Variants in KLHL29 observed in about 807,000 individuals in gnomAD.
KLHL29 encodes the protein kelch like family member 29.
In KLHL29, 21 loss-of-function variants were observed where a neutral mutation model predicts 80.4. That is an observed-to-expected ratio of 0.26 (90% confidence interval 0.19 to 0.38). The LOEUF (loss-of-function observed/expected upper bound fraction) is 0.38, where lower values mean the gene tolerates loss of function less well. KLHL29 is among the 10% of genes least tolerant of loss of function. KLHL29 has a pLI of 1.00. For synonymous variants in KLHL29, 511 were observed against 526.8 expected (o/e 0.97, Z 0.41); for missense variants, 867 against 1,223.9 (o/e 0.71, Z 4.35).
At chr2:23,655,297 T>A (rs1670215120) in intron 5 of KLHL29, among the ~76,000 whole-genome samples, 2 of 152,220 alleles carry the variant, frequency 1.3e-5, no homozygotes, top group South Asian at 4.1e-4. Context: ...ATGGAGCCAG[T>A]CATCCTATGA....
At position 23,706,813 on chromosome 2, in the gene KLHL29, G is replaced by A. The variant is rs1028481898; in HGVS notation, c.*149G>A. The stretch of plus-strand genomic sequence containing the variant: ...CAACATGTTGAATATTCTCTACATT[G>A]AATGTAGAAAATCATCCTCGCCTTT... On this transcript the variant is annotated 3_prime_UTR_variant, in exon 14 of 14. Coordinates refer to ENST00000486442, the MANE Select transcript of KLHL29 (RefSeq NM_052920.2). 58 of 574,360 alleles carry A rather than the reference G, an allele frequency of 1.0e-4. No individual in the cohort carries two copies. Among genetic ancestry groups the A allele is most frequent in the Non-Finnish European group, 1.4e-4 (47 of 347,432 alleles). The allele number at this position is 574,360 out of a possible 1,614,324, so 35.6% of individuals were successfully genotyped here.
At chr2:23,656,932 GAAA>G (rs58320389) in intron 5 of KLHL29, among the ~76,000 whole-genome samples, 16 of 110,076 alleles carry the variant, frequency 1.5e-4, no homozygotes, top group African/African-American at 2.4e-4. Flanking sequence ...TCCCCAACAG[GAAA>G]AAAAAAAAAA....
At chr2:23,634,934 C>T (rs376273210) in intron 3 of KLHL29, among the ~76,000 whole-genome samples, 1 of 136,060 alleles carries the variant, frequency 7.3e-6, no homozygotes, top group East Asian at 2.3e-4. Flanking sequence ...GCTCAGAGAC[C>T]CTGCCCTCAT....
At chr2:23,455,251 A>C (rs1028825432) in intron 1 of KLHL29, among the ~76,000 whole-genome samples, 1 of 152,226 alleles carries the variant, frequency 6.6e-6, no homozygotes, top group Non-Finnish European at 1.5e-5. Flanking sequence ...ACTGATTAGT[A>C]AAGCTCTGTA....
intron 3 of KLHL29, among the ~76,000 whole-genome samples, chr2:23,598,469 C>T (rs1668484761): frequency 6.6e-6 from 1 of 152,238 alleles, no homozygotes; most frequent in Non-Finnish European, 1.5e-5. Context: ...CACAAACACA[C>T]ACACACCTGC....
intron 2 of KLHL29, among the ~76,000 whole-genome samples, chr2:23,541,819 G>T (rs1666846939): frequency 6.6e-6 from 1 of 150,648 alleles, no homozygotes; most frequent in Admixed American, 6.6e-5. Context: ...GACAGCAGCA[G>T]GGCTGGTGCC....
chr2:23,500,732 A>G (rs1344752), intron 2 of KLHL29, among the ~76,000 whole-genome samples: 64,412 of 152,016 alleles, frequency 0.42, 14,233 homozygotes, highest in Non-Finnish European at 0.47. Context: ...ATAATTTACT[A>G]TTTCCAAGAA....
intron 2 of KLHL29, among the ~76,000 whole-genome samples, chr2:23,497,953 G>T (rs1665318567): frequency 6.6e-6 from 1 of 152,180 alleles, no homozygotes; most frequent in African/African-American, 2.4e-5. Context: ...AAGATTTCTG[G>T]CCAGAATCCT....
intron 3 of KLHL29, among the ~76,000 whole-genome samples, chr2:23,581,818 A>C (rs1305745200): frequency 4.6e-5 from 4 of 86,794 alleles, no homozygotes; most frequent in African/African-American, 8.8e-5. Context: ...ACAAGAATGA[A>C]ACTCTGCCTC....
At chr2:23,524,021 G>T in intron 2 of KLHL29, 1 of 471,628 alleles carries the variant, frequency 2.1e-6, no homozygotes. Context: ...TCTGTCATGT[G>T]AATGAGTTTT....
chr2:23,491,948 G>A (rs796299197), intron 2 of KLHL29, among the ~76,000 whole-genome samples: 14 of 152,138 alleles, frequency 9.2e-5, no homozygotes, highest in African/African-American at 1.4e-4. Flanking sequence ...CCTCCCACTC[G>A]TCCTTCCCCT....
intron 3 of KLHL29, among the ~76,000 whole-genome samples, chr2:23,638,085 T>TAAAAAAAAAAAAAAAAAAAAAAAAAAA (rs553356362): frequency 9.0e-6 from 1 of 111,588 alleles, no homozygotes; most frequent in Non-Finnish European, 1.8e-5. Flanking sequence ...ATGGCCATAG[T>TAAAAAAAAAAAAAAAAAAAAAAAAAAA]AAAAAAAAAA....
intron 1 of KLHL29, among the ~76,000 whole-genome samples, chr2:23,401,349 C>T (rs1666595033): frequency 6.6e-6 from 1 of 152,170 alleles, no homozygotes; most frequent in Non-Finnish European, 1.5e-5. Flanking sequence ...CCCCCGGTCC[C>T]CACCCTAAGT....
rs887427416 is a variant in KLHL29, at chr2:23,554,978, C to T, written c.-45-7174C>T. 1.8e-4 allele frequency among the ~76,000 whole-genome samples: 27 copies of T among 152,146 alleles called. 1 individual carries two copies. The highest frequency in any genetic ancestry group is 1.9e-4 in the Non-Finnish European group (13 of 68,024). ...TTTCCTTCCTGCAATATCCTCAGGC[C>T]CCAGGTAGCCCAAGCCTTTTGCAAG... On this transcript the variant is annotated intron_variant, in intron 2 of 13. Transcript: ENST00000486442.
At chr2:23,554,460 C>G (rs1224383985) in intron 2 of KLHL29, among the ~76,000 whole-genome samples, 1 of 152,212 alleles carries the variant, frequency 6.6e-6, no homozygotes, top group Non-Finnish European at 1.5e-5. Context: ...GTGGATTAAT[C>G]ATGCCTTCGG....
chr2:23,481,877 A>G (rs1440205871), intron 2 of KLHL29, among the ~76,000 whole-genome samples: 1 of 151,234 alleles, frequency 6.6e-6, no homozygotes, highest in Admixed American at 6.6e-5. Flanking sequence ...AGATCACACC[A>G]CTGCACTGCA....
At chr2:23,598,751 T>A (rs1479555101) in intron 3 of KLHL29, among the ~76,000 whole-genome samples, 1 of 152,220 alleles carries the variant, frequency 6.6e-6, no homozygotes, top group Non-Finnish European at 1.5e-5. Flanking sequence ...CTGGGAGTGT[T>A]CATCATGCGT....
chr2:23,653,874 G>A (rs1375214832), intron 5 of KLHL29, among the ~76,000 whole-genome samples: 2 of 152,098 alleles, frequency 1.3e-5, no homozygotes, highest in Admixed American at 1.3e-4. Flanking sequence ...TGGTTAAATT[G>A]CCCAGCTTCG....
At chr2:23,401,391 T>C (rs2577748) in intron 1 of KLHL29, among the ~76,000 whole-genome samples, 119,112 of 152,182 alleles carry the variant, frequency 0.78, 46,725 homozygotes, top group South Asian at 0.87. Flanking sequence ...ACAATTGACC[T>C]TCACCTGGGA....
Sources: gnomAD v4.1 joint callset for allele counts (sites outside exome capture counted in the v4.1 genomes callset) on GRCh38, gnomAD v4.1.1 for gene constraint, MANE v1.5 for transcripts, NCBI Gene and HGNC (gene_info 2026-07-23, HGNC 2026-07-21) for gene names.